Variants in RGS21 observed in about 807,000 individuals in gnomAD.
RGS21 encodes regulator of G-protein signalling 21.
A neutral mutation model predicts 18.7 loss-of-function variants in RGS21; 19 were observed. The observed-to-expected ratio is 1.01, with a 90% confidence interval of 0.71 to 1.49. The LOEUF (loss-of-function observed/expected upper bound fraction) is 1.49, where lower values mean the gene tolerates loss of function less well. Ranked by LOEUF, RGS21 falls within the 40% of genes most tolerant of loss-of-function variation. The pLI is 0.00. For missense variants in RGS21, 194 were observed against 176.8 expected (o/e 1.10, Z -0.55); for synonymous variants, 56 against 57.8 (o/e 0.97, Z 0.14).
chr1:192,363,429 A>C (rs1659214035), intron 4 of RGS21, among the ~76,000 whole-genome samples: 2 of 152,154 alleles, frequency 1.3e-5, no homozygotes. Flanking sequence ...ATGCTGTTAA[A>C]GACTTAACAA....
At chr1:192,349,114 G>T (rs1658997012) in intron 3 of RGS21, among the ~76,000 whole-genome samples, 1 of 152,120 alleles carries the variant, frequency 6.6e-6, no homozygotes, top group Non-Finnish European at 1.5e-5. Context: ...CAATGGGACA[G>T]ATCAAGTTTG....
At chr1:192,356,722 C>T (rs921239882) in intron 4 of RGS21, among the ~76,000 whole-genome samples, 2 of 151,570 alleles carry the variant, frequency 1.3e-5, no homozygotes, top group Non-Finnish European at 3.0e-5. Context: ...ACTGTGATGC[C>T]AATTTGTAAT....
intron 4 of RGS21, among the ~76,000 whole-genome samples, chr1:192,353,658 G>C (rs977389638): frequency 2.0e-5 from 3 of 151,460 alleles, no homozygotes; most frequent in Non-Finnish European, 4.4e-5. Context: ...CTGAATTTAA[G>C]GTTATAATAC....
chr1:192,336,146 C>T (rs867813254), intron 1 of RGS21, among the ~76,000 whole-genome samples: 3 of 152,212 alleles, frequency 2.0e-5, no homozygotes, highest in East Asian at 1.9e-4. Context: ...GCCTAAAGCA[C>T]CACTAATCAG....
chr1:192,343,437 G>C (rs368949504), intron 2 of RGS21, among the ~76,000 whole-genome samples: 3 of 152,178 alleles, frequency 2.0e-5, no homozygotes, highest in East Asian at 3.9e-4. Flanking sequence ...ACTTCCTGGA[G>C]CACATGGACT....
At chr1:192,336,369 C>G (rs529155585) in intron 1 of RGS21, among the ~76,000 whole-genome samples, 1 of 152,160 alleles carries the variant, frequency 6.6e-6, no homozygotes, top group Non-Finnish European at 1.5e-5. Flanking sequence ...GCCGGAGAAT[C>G]GCTTGAACCA....
intron 1 of RGS21, among the ~76,000 whole-genome samples, chr1:192,339,127 T>A (rs995523327): frequency 4.6e-5 from 7 of 152,084 alleles, no homozygotes; most frequent in African/African-American, 1.7e-4. Flanking sequence ...TATTATTGGT[T>A]AAAATCCTCA....
At chr1:192,353,878 A>G (rs1659078118) in intron 4 of RGS21, among the ~76,000 whole-genome samples, 1 of 151,642 alleles carries the variant, frequency 6.6e-6, no homozygotes, top group African/African-American at 2.4e-5. Context: ...GTAATAAATT[A>G]TAGTCTTTCC....
intron 1 of RGS21, among the ~76,000 whole-genome samples, chr1:192,319,735 T>C (rs1658469927): frequency 6.6e-6 from 1 of 152,128 alleles, no homozygotes; most frequent in Non-Finnish European, 1.5e-5. Flanking sequence ...GTGGATAAAA[T>C]TGATTTTTTG....
At chr1:192,332,947 T>A (rs1459645885) in intron 1 of RGS21, among the ~76,000 whole-genome samples, 4 of 150,538 alleles carry the variant, frequency 2.7e-5, no homozygotes, top group Admixed American at 6.6e-5. Flanking sequence ...AAAATTTTTT[T>A]AAATAAAAAA....
chr1:192,352,154 A>G lies in RGS21; in HGVS notation c.196A>G (p.Ile66Val). 6.2e-7 allele frequency: 1 copy of G among 1,611,314 alleles called. No individual in the cohort carries two copies. The highest frequency in any genetic ancestry group is 8.5e-7 in the Non-Finnish European group (1 of 1,178,660). Residue 66 changes from isoleucine (I) to valine (V), a missense_variant, in exon 4 of 5, where the codon ATT becomes GTT. Transcript: ENST00000417209. Reference sequence around the variant, plus strand: ...TAAGAAAACGAAAAATGCAGACAAAATTGCTTCCAAAGCCAAGATGATTTA... The same window carrying G: ...TAAGAAAACGAAAAATGCAGACAAAGTTGCTTCCAAAGCCAAGATGATTTA... ...DFKKTKNADK[I>V]ASKAKMIYSE...
chr1:192,355,289 C>T (rs1288806998), intron 4 of RGS21, among the ~76,000 whole-genome samples: 2 of 151,532 alleles, frequency 1.3e-5, no homozygotes, highest in South Asian at 2.1e-4. Context: ...TCATGCAGAA[C>T]GGTTTTTAAG....
chr1:192,358,882 T>C (rs1479465875), intron 4 of RGS21, among the ~76,000 whole-genome samples: 1 of 152,100 alleles, frequency 6.6e-6, no homozygotes, highest in East Asian at 1.9e-4. Context: ...ATCACATGCA[T>C]ATTAAAATAT....
At chr1:192,357,033 G>A (rs531533449) in intron 4 of RGS21, among the ~76,000 whole-genome samples, 1 of 151,708 alleles carries the variant, frequency 6.6e-6, no homozygotes, top group Non-Finnish European at 1.5e-5. Context: ...AAAGACACCA[G>A]ATAAAAAATA....
chr1:192,322,802 G>A (rs1017398145), intron 1 of RGS21, among the ~76,000 whole-genome samples: 2 of 152,056 alleles, frequency 1.3e-5, no homozygotes, highest in Admixed American at 1.3e-4. Flanking sequence ...AGTTTACTCT[G>A]TCAAAATAAG....
At chr1:192,321,230 T>C (rs947792015) in intron 1 of RGS21, among the ~76,000 whole-genome samples, 2 of 151,986 alleles carry the variant, frequency 1.3e-5, no homozygotes, top group Admixed American at 6.6e-5. Context: ...AGCACTTCTT[T>C]AGAAACAGAA....
intron 1 of RGS21, among the ~76,000 whole-genome samples, chr1:192,340,592 G>T (rs1163146516): frequency 6.6e-6 from 1 of 152,008 alleles, no homozygotes; most frequent in Admixed American, 6.6e-5. Flanking sequence ...CAACTTACTT[G>T]CTTAAACAAT....
chr1:192,327,405 T>C (rs1658582761), intron 1 of RGS21, among the ~76,000 whole-genome samples: 1 of 152,110 alleles, frequency 6.6e-6, no homozygotes, highest in Admixed American at 6.6e-5. Flanking sequence ...CTAGTAATAA[T>C]GCTAAATCTC....
chr1:192,352,341 A>T, intron 4 of RGS21, 128 bp downstream of exon 4: 7 of 585,416 alleles, frequency 1.2e-5, no homozygotes, highest in Non-Finnish European at 1.9e-5. Flanking sequence ...ATGTCAGTAG[A>T]TTCCAAGAGA....
Sources: gnomAD v4.1 joint callset for allele counts (sites outside exome capture counted in the v4.1 genomes callset) on GRCh38, gnomAD v4.1.1 for gene constraint, MANE v1.5 for transcripts, NCBI Gene and HGNC (gene_info 2026-07-23, HGNC 2026-07-21) for gene names.